ZBTB7C: variants seen among roughly 807,000 people sequenced by gnomAD.
ZBTB7C encodes zinc finger and BTB domain containing 7C.
In ZBTB7C, 8 loss-of-function variants were observed where a neutral mutation model predicts 25.7. That is an observed-to-expected ratio of 0.31 (90% CI 0.18 to 0.56). ZBTB7C has a LOEUF of 0.56. Ranked by LOEUF, ZBTB7C falls within the 20% of genes least tolerant of loss-of-function variation. The pLI, the probability that ZBTB7C is intolerant of heterozygous loss-of-function variation, is 0.91. For missense variants in ZBTB7C, 824 were observed against 855.2 expected (o/e 0.96, Z 0.46); for synonymous variants, 394 against 369.0 (o/e 1.07, Z -0.78).
chr18:48,247,491 A>G (rs1430933271), intron 2 of ZBTB7C, among the ~76,000 whole-genome samples: 1 of 152,232 alleles, frequency 6.6e-6, no homozygotes, highest in Non-Finnish European at 1.5e-5. Flanking sequence ...TGTCTGTTTC[A>G]TGCCCTCTCA....
intron 2 of ZBTB7C, among the ~76,000 whole-genome samples, chr18:48,268,958 C>CTTTTTTTTT (rs140699441): frequency 2.5e-5 from 3 of 118,994 alleles, no homozygotes; most frequent in Non-Finnish European, 3.4e-5. Context: ...TGCTCTGTTT[C>CTTTTTTTTT]TTTTTTTTTT....
intron 1 of ZBTB7C, among the ~76,000 whole-genome samples, chr18:48,352,087 G>A (rs1049557014): frequency 8.5e-5 from 13 of 152,156 alleles, no homozygotes; most frequent in Admixed American, 5.2e-4. Flanking sequence ...GCCAGGACTC[G>A]CAGGTGCCTT....
intron 1 of ZBTB7C, among the ~76,000 whole-genome samples, chr18:48,348,678 G>A (rs535740778): frequency 2.6e-5 from 4 of 152,228 alleles, no homozygotes; most frequent in Admixed American, 6.5e-5. Flanking sequence ...TTAGCTAGGC[G>A]TGGTGGCACA....
At chr18:48,139,737 C>T (rs939641819) in intron 3 of ZBTB7C, among the ~76,000 whole-genome samples, 8 of 151,900 alleles carry the variant, frequency 5.3e-5, no homozygotes, top group Non-Finnish European at 7.4e-5. Flanking sequence ...CCAGCTGCCT[C>T]CTGGGAACAG....
intron 3 of ZBTB7C, among the ~76,000 whole-genome samples, chr18:48,183,544 C>G (rs1424194761): frequency 6.6e-6 from 1 of 152,194 alleles, no homozygotes; most frequent in Admixed American, 6.5e-5. Context: ...CCTATACTCC[C>G]AAAATACAAT....
chr18:48,093,361 C>A (rs999858842), intron 3 of ZBTB7C, among the ~76,000 whole-genome samples: 1 of 152,250 alleles, frequency 6.6e-6, no homozygotes, highest in African/African-American at 2.4e-5. Flanking sequence ...CAGCCCCCAA[C>A]ATGCAGAGCA....
intron 1 of ZBTB7C, among the ~76,000 whole-genome samples, chr18:48,377,227 C>G (rs886081078): frequency 6.6e-6 from 1 of 152,222 alleles, no homozygotes; most frequent in Non-Finnish European, 1.5e-5. Flanking sequence ...TCTTAAGAGT[C>G]TACTCCAGTC....
chr18:48,337,024 C>CCTAG (rs1029516564), intron 2 of ZBTB7C, among the ~76,000 whole-genome samples: 1 of 152,186 alleles, frequency 6.6e-6, no homozygotes, highest in African/African-American at 2.4e-5. Flanking sequence ...TCCGAGCCCA[C>CCTAG]CTAGCACCTT....
At chr18:48,169,734 G>A (rs568268975) in intron 3 of ZBTB7C, 3 of 152,008 alleles carry the variant, frequency 2.0e-5, no homozygotes, top group East Asian at 3.9e-4. Context: ...TTTCTCTTAC[G>A]ATTATAATAA....
intron 2 of ZBTB7C, among the ~76,000 whole-genome samples, chr18:48,227,940 A>G (rs1355069807): frequency 3.3e-5 from 5 of 152,166 alleles, no homozygotes; most frequent in Admixed American, 1.3e-4. Flanking sequence ...ATAACTTCTC[A>G]TTCCATATGA....
At chr18:48,395,375 ATGTGTGTGTGTG>A (rs149447084) in intron 1 of ZBTB7C, among the ~76,000 whole-genome samples, 2 of 82,734 alleles carry the variant, frequency 2.4e-5, no homozygotes, top group Non-Finnish European at 4.7e-5. Context: ...TTCTATTCAA[ATGTGTGTGTGTG>A]TGTGTGTGTG....
intron 2 of ZBTB7C, among the ~76,000 whole-genome samples, chr18:48,234,898 T>C (rs1336989751): frequency 6.6e-6 from 1 of 152,224 alleles, no homozygotes; most frequent in Non-Finnish European, 1.5e-5. Flanking sequence ...AAGTGATACC[T>C]TCCTAGAGAA....
chr18:48,164,228 A>G (rs2041164440), intron 3 of ZBTB7C, among the ~76,000 whole-genome samples: 1 of 152,198 alleles, frequency 6.6e-6, no homozygotes, highest in African/African-American at 2.4e-5. Context: ...ACCCCGGGTT[A>G]TGCACAAGGG....
chr18:48,081,900 A>C (rs2038002105), intron 3 of ZBTB7C, among the ~76,000 whole-genome samples: 1 of 152,218 alleles, frequency 6.6e-6, no homozygotes, highest in South Asian at 2.1e-4. Context: ...AGCATTAATA[A>C]TTTTTATATG....
intron 2 of ZBTB7C, among the ~76,000 whole-genome samples, chr18:48,191,690 T>C (rs1218471061): frequency 6.6e-6 from 1 of 152,236 alleles, no homozygotes; most frequent in African/African-American, 2.4e-5. Flanking sequence ...GCCTGGTGTG[T>C]TGAGCTTTCA....
At chr18:48,047,472 A>T (rs2036520602) in intron 3 of ZBTB7C, among the ~76,000 whole-genome samples, 1 of 152,184 alleles carries the variant, frequency 6.6e-6, no homozygotes, top group Non-Finnish European at 1.5e-5. Flanking sequence ...AAGGAGAAAG[A>T]TGGGAAGAGG....
chr18:48,064,820 G>T (rs1484071233), intron 3 of ZBTB7C, among the ~76,000 whole-genome samples: 1 of 152,178 alleles, frequency 6.6e-6, no homozygotes, highest in Non-Finnish European at 1.5e-5. Context: ...GGAGGAGTAG[G>T]ATGCAGGCTG....
intron 3 of ZBTB7C, among the ~76,000 whole-genome samples, chr18:48,144,278 C>CA (rs201543948): frequency 0.095 from 13,248 of 138,810 alleles, 1,689 homozygotes; most frequent in African/African-American, 0.29. Flanking sequence ...GACACCTTCT[C>CA]AAAAAAAAAA....
chr18:48,109,256 A>G (rs2039147007), intron 3 of ZBTB7C, among the ~76,000 whole-genome samples: 1 of 152,200 alleles, frequency 6.6e-6, no homozygotes, highest in Non-Finnish European at 1.5e-5. Context: ...AAAGACCCCC[A>G]TCCAGGCCAG....
Sources: gnomAD v4.1 joint callset for allele counts (sites outside exome capture counted in the v4.1 genomes callset) on GRCh38, gnomAD v4.1.1 for gene constraint, MANE v1.5 for transcripts, NCBI Gene and HGNC (gene_info 2026-07-23, HGNC 2026-07-21) for gene names.